LINGO2: variants seen among roughly 807,000 people sequenced by gnomAD.
LINGO2 encodes the protein leucine rich repeat and Ig domain containing 2.
LINGO2 carries 14 observed loss-of-function variants against 30.6 expected under a neutral mutation model. That is an observed-to-expected ratio of 0.46 (90% CI 0.30 to 0.72). The LOEUF (loss-of-function observed/expected upper bound fraction) is 0.72, where lower values mean the gene tolerates loss of function less well. Ranked by LOEUF, LINGO2 falls within the 30% of genes least tolerant of loss-of-function variation. The pLI is 0.07. For missense variants in LINGO2, 729 were observed against 751.7 expected, an observed-to-expected ratio of 0.97 and a Z score of 0.35; for synonymous variants, 317 against 288.5, an observed-to-expected ratio of 1.10 and a Z score of -1.00.
intron 4 of LINGO2, among the ~76,000 whole-genome samples, chr9:28,034,170 C>A (rs1355062554): frequency 6.6e-6 from 1 of 152,164 alleles, no homozygotes; most frequent in Non-Finnish European, 1.5e-5. Flanking sequence ...CTTGCTGGGG[C>A]GTTCAGCAGC....
chr9:28,590,626 C>T (rs10812850), intron 1 of LINGO2, among the ~76,000 whole-genome samples: 102,011 of 151,764 alleles, frequency 0.67, 34,603 homozygotes, highest in East Asian at 0.79. Flanking sequence ...TCACACCAGT[C>T]AGAATGGCGA....
the LINGO2 span, among the ~76,000 whole-genome samples, chr9:28,984,838 A>G: frequency 6.6e-6 from 1 of 152,116 alleles, no homozygotes; most frequent in South Asian, 2.1e-4. Context: ...TTACATACCC[A>G]TCACTTCAAG....
At chr9:28,554,743 T>G (rs1305416899) in intron 1 of LINGO2, among the ~76,000 whole-genome samples, 1 of 113,916 alleles carries the variant, frequency 8.8e-6, no homozygotes, top group Non-Finnish European at 1.7e-5. Flanking sequence ...GACCACATAC[T>G]TGGAAGTAAA....
rs542887248 is a variant in LINGO2, at chr9:28,263,397, T to C, written c.-87+31811A>G. ...TAACAAAATAATGGCTGTAATATTC[T>C]ATGATATTCACAGGTACCACTCACA... On this transcript the variant is annotated intron_variant, in intron 4 of 5. Transcript: ENST00000379992. 9.9e-5 allele frequency among the ~76,000 whole-genome samples: 15 copies of C among 152,144 alleles called. No homozygotes were observed. The South Asian group carries it at 2.9e-3, about 29-fold the overall frequency.
chr9:28,014,877 GAA>G (rs1191122961), intron 4 of LINGO2, among the ~76,000 whole-genome samples: 2 of 152,034 alleles, frequency 1.3e-5, no homozygotes, highest in South Asian at 2.1e-4. Flanking sequence ...TAATAATTTA[GAA>G]AACTCTCCAA....
chr9:28,043,711 C>CA, intron 4 of LINGO2, among the ~76,000 whole-genome samples: 1 of 152,198 alleles, frequency 6.6e-6, no homozygotes, highest in East Asian at 1.9e-4. Flanking sequence ...TTTCATCTAC[C>CA]ACCTTTCTTG....
At chr9:28,525,540 T>C (rs765292330) in intron 1 of LINGO2, among the ~76,000 whole-genome samples, 1 of 152,162 alleles carries the variant, frequency 6.6e-6, no homozygotes, top group Admixed American at 6.5e-5. Flanking sequence ...GAGAACATTA[T>C]GCTAAGTAAA....
At chr9:28,051,573 T>G (rs1587772412) in intron 4 of LINGO2, among the ~76,000 whole-genome samples, 1 of 152,220 alleles carries the variant, frequency 6.6e-6, no homozygotes, top group East Asian at 1.9e-4. Context: ...TTAGAGGTGA[T>G]TTCATCCTAA....
chr9:28,410,998 G>C (rs1412235), intron 2 of LINGO2, among the ~76,000 whole-genome samples: 39,155 of 151,942 alleles, frequency 0.26, 5,625 homozygotes, highest in Non-Finnish European at 0.32. Flanking sequence ...TGACATTAGA[G>C]AAGTTACTAA....
intron 5 of LINGO2, among the ~76,000 whole-genome samples, chr9:27,954,906 G>A (rs1223334763): frequency 6.6e-6 from 1 of 152,082 alleles, no homozygotes; most frequent in Non-Finnish European, 1.5e-5. Flanking sequence ...ATCCTTACCA[G>A]CATAAATTAT....
intron 1 of LINGO2, among the ~76,000 whole-genome samples, chr9:28,569,958 A>G (rs1823593102): frequency 6.6e-6 from 1 of 151,982 alleles, no homozygotes; most frequent in African/African-American, 2.4e-5. Flanking sequence ...ACATAAATAC[A>G]ATAATAAACA....
the LINGO2 span, among the ~76,000 whole-genome samples, chr9:29,038,035 GATATTTT>G: frequency 1.3e-5 from 2 of 152,056 alleles, no homozygotes; most frequent in South Asian, 4.1e-4. Context: ...TTATGTTGAT[GATATTTT>G]GATTTTTTTC....
intron 3 of LINGO2, among the ~76,000 whole-genome samples, chr9:28,304,032 T>C (rs148454461): frequency 6.6e-6 from 1 of 152,090 alleles, no homozygotes; most frequent in Admixed American, 6.6e-5. Flanking sequence ...ATAACAATGA[T>C]AGCTAAAGCA....
intron 3 of LINGO2, among the ~76,000 whole-genome samples, chr9:28,358,609 C>T (rs1820323596): frequency 6.6e-6 from 1 of 152,116 alleles, no homozygotes; most frequent in South Asian, 2.1e-4. Flanking sequence ...ACCTCTGGAA[C>T]CAGGCATATG....
intron 4 of LINGO2, among the ~76,000 whole-genome samples, chr9:28,216,593 C>T (rs1031523012): frequency 6.6e-6 from 1 of 151,820 alleles, no homozygotes; most frequent in Non-Finnish European, 1.5e-5. Flanking sequence ...GCAAATGAAG[C>T]AAAACTATTT....
chr9:28,387,439 T>C (rs1402458679), intron 2 of LINGO2, among the ~76,000 whole-genome samples: 1 of 152,166 alleles, frequency 6.6e-6, no homozygotes, highest in Non-Finnish European at 1.5e-5. Context: ...AAGGGCCAAA[T>C]AAGTGAATAA....
At chr9:28,771,440 TCTTTC>T in the LINGO2 span, among the ~76,000 whole-genome samples, 2 of 151,088 alleles carry the variant, frequency 1.3e-5, no homozygotes, top group Admixed American at 6.6e-5. Flanking sequence ...TCCTTTCTTT[TCTTTC>T]CTATTTGGTG....
In LINGO2 at chr9:27,996,364, C is replaced by G. The variant is rs550157813; in HGVS notation, c.-36+15991G>C. Among the ~76,000 whole-genome samples, 7 of 152,096 alleles carry G rather than the reference C, an allele frequency of 4.6e-5. No individual in the cohort carries two copies. The South Asian group carries it at 1.5e-3, about 32-fold the overall frequency. ...TATTGCAGCACTATTCATATAATAG[C>G]CAAAATATAGACTCAATCTAAATGT... On this transcript the variant is annotated intron_variant, in intron 5 of 5. Coordinates refer to ENST00000379992, the Ensembl canonical transcript of LINGO2.
Position 28,632,854 on chromosome 9 carries a change from T to TATATATATATATATATATA in LINGO2, c.-365+37345_-365+37346insTATATATATATATATATAT, listed in dbSNP as rs1563878982. 6.0e-4 allele frequency among the ~76,000 whole-genome samples: 50 copies of TATATATATATATATATATA among 83,038 alleles called. 2 individuals are homozygous for TATATATATATATATATATA. Among genetic ancestry groups the TATATATATATATATATATA allele is most frequent in the African/African-American group, 3.5e-3 (46 of 13,100 alleles). The allele number at this position is 83,038 out of a possible 152,430, so 54.5% of individuals were successfully genotyped here. A position where few individuals can be genotyped will look rare whatever the true frequency, so the allele number is the denominator to read the frequency against. On this transcript the variant is annotated intron_variant, in intron 1 of 5. Coordinates refer to ENST00000379992, the Ensembl canonical transcript of LINGO2. ...TTATATATATAAATCTATATATATT[T>TATATATATATATATATATA]TTTATATATATATATATATATATAT...
Sources: allele counts gnomAD v4.1 joint callset (sites outside exome capture counted in the v4.1 genomes callset), GRCh38; gene constraint gnomAD v4.1.1; transcripts MANE v1.5; gene names NCBI Gene and HGNC (gene_info 2026-07-23, HGNC 2026-07-21).